Variants in CORIN observed in about 807,000 individuals in gnomAD.
CORIN encodes corin, serine peptidase.
A neutral mutation model predicts 125.3 loss-of-function variants in CORIN; 117 were observed. The observed-to-expected ratio is 0.93, with a 90% CI of 0.80 to 1.09. The LOEUF (loss-of-function observed/expected upper bound fraction) is 1.09. CORIN is among the 50% of genes least tolerant of loss of function. CORIN has a pLI of 0.00. For synonymous variants in CORIN, 450 were observed against 466.4 expected, an observed-to-expected ratio of 0.96 and a Z score of 0.45; for missense variants, 1,253 against 1,306.7, an observed-to-expected ratio of 0.96 and a Z score of 0.63.
At chr4:47,721,403 G>A (rs1209619474) in intron 5 of CORIN, among the ~76,000 whole-genome samples, 8 of 152,100 alleles carry the variant, frequency 5.3e-5, no homozygotes, top group Non-Finnish European at 8.8e-5. Context: ...CCAAGTAGCT[G>A]TGATTACAGG....
intron 5 of CORIN, among the ~76,000 whole-genome samples, chr4:47,716,609 A>G (rs1727103288): frequency 1.3e-5 from 2 of 152,194 alleles, no homozygotes; most frequent in Non-Finnish European, 2.9e-5. Flanking sequence ...TAACGATCCA[A>G]TACAATATTA....
intron 6 of CORIN, among the ~76,000 whole-genome samples, chr4:47,690,316 G>A (rs1199200243): frequency 6.6e-6 from 1 of 152,068 alleles, no homozygotes; most frequent in East Asian, 1.9e-4. Context: ...GCGAATCATG[G>A]GCAAATTTAT....
At chr4:47,793,603 CAACT>C (rs1731169911) in intron 2 of CORIN, among the ~76,000 whole-genome samples, 1 of 152,112 alleles carries the variant, frequency 6.6e-6, no homozygotes, top group South Asian at 2.1e-4. Flanking sequence ...TTGCTGGCAC[CAACT>C]AACAATGAAC....
intron 4 of CORIN, among the ~76,000 whole-genome samples, chr4:47,756,347 G>A (rs1729146129): frequency 6.6e-6 from 1 of 152,190 alleles, no homozygotes; most frequent in Admixed American, 6.5e-5. Context: ...ACTGGCTATG[G>A]GCAGAGCTAT....
chr4:47,595,697 A>G lies in CORIN; in HGVS notation c.*24T>C, dbSNP rs770174493. 1 of 1,570,760 alleles carries G rather than the reference A, an allele frequency of 6.4e-7. No individual in the cohort carries two copies. Among genetic ancestry groups the G allele is most frequent in the Non-Finnish European group, 8.6e-7 (1 of 1,160,478 alleles). On this transcript the variant is annotated 3_prime_UTR_variant, in exon 22 of 22. Coordinates refer to ENST00000273857, the MANE Select transcript of CORIN (RefSeq NM_006587.4). ...GCCATTTTCTTTTAGTGTAGCTGGCAAAAGTCTCTGATCATCCTTATAATT... is the reference window on the plus strand; with the variant it reads ...GCCATTTTCTTTTAGTGTAGCTGGCGAAAGTCTCTGATCATCCTTATAATT...
At chr4:47,771,123 G>A (rs904961204) in intron 3 of CORIN, among the ~76,000 whole-genome samples, 2 of 152,044 alleles carry the variant, frequency 1.3e-5, no homozygotes, top group African/African-American at 4.8e-5. Context: ...GTAAATAAAG[G>A]CAGCATTTTG....
intron 5 of CORIN, among the ~76,000 whole-genome samples, chr4:47,696,814 T>C (rs61761813): frequency 4.6e-4 from 70 of 152,328 alleles, no homozygotes; most frequent in Admixed American, 1.2e-3. Context: ...CTGCAATTGC[T>C]TCCAGCTTCC....
intron 4 of CORIN, among the ~76,000 whole-genome samples, chr4:47,752,084 C>T (rs6848453): frequency 0.043 from 6,605 of 152,088 alleles, 441 homozygotes; most frequent in African/African-American, 0.15. Flanking sequence ...CCTCACCTCC[C>T]GGACTTCCAG....
At chr4:47,597,514 T>G (rs181531738) in intron 21 of CORIN, among the ~76,000 whole-genome samples, 1 of 152,198 alleles carries the variant, frequency 6.6e-6, no homozygotes, top group African/African-American at 2.4e-5. Context: ...AGAGCCTAAT[T>G]GAATTTTTTT....
intron 2 of CORIN, among the ~76,000 whole-genome samples, chr4:47,792,355 A>G (rs1166881073): frequency 1.3e-5 from 2 of 152,236 alleles, no homozygotes; most frequent in South Asian, 2.1e-4. Context: ...AGGGTGAAAC[A>G]TATTAGAATG....
chr4:47,820,301 C>T (rs1560564443), intron 1 of CORIN, among the ~76,000 whole-genome samples: 3 of 151,970 alleles, frequency 2.0e-5, no homozygotes, highest in South Asian at 4.2e-4. Flanking sequence ...TTTTCTTGGA[C>T]GTCAGACTAG....
intron 19 of CORIN, among the ~76,000 whole-genome samples, chr4:47,618,849 G>A (rs1007214823): frequency 2.6e-5 from 4 of 151,866 alleles, no homozygotes; most frequent in Admixed American, 2.0e-4. Flanking sequence ...AAAGAAAGGA[G>A]GCAAGAAGGA....
chr4:47,727,792 T>C (rs1253099854), intron 5 of CORIN, among the ~76,000 whole-genome samples: 1 of 152,110 alleles, frequency 6.6e-6, no homozygotes, highest in African/African-American at 2.4e-5. Flanking sequence ...ACATTTAAAA[T>C]AGTTATATGT....
intron 2 of CORIN, among the ~76,000 whole-genome samples, chr4:47,804,395 T>C (rs1375825198): frequency 6.6e-6 from 1 of 152,216 alleles, no homozygotes; most frequent in Non-Finnish European, 1.5e-5. Flanking sequence ...ATCAAATAGA[T>C]ATCTGCATTT....
chr4:47,703,480 T>G (rs1222313748), intron 5 of CORIN, among the ~76,000 whole-genome samples: 1 of 152,182 alleles, frequency 6.6e-6, no homozygotes, highest in East Asian at 1.9e-4. Flanking sequence ...TTCACAATCA[T>G]GACCTGAGAT....
Position 47,744,587 on chromosome 4 carries a change from A to T in CORIN, c.618-4T>A, listed in dbSNP as rs76869221. On this transcript the variant is annotated splice_region_variant and splice_polypyrimidine_tract_variant and intron_variant, in intron 4 of 21. Transcript: ENST00000273857. ...CCTACAGGGCAGGAGTCCATGACTA[A>T]AAAAAAAAAAAGAGAAAGGTGAAAA... The T allele has an allele frequency of 1.7e-6, 2 of 1,149,910 alleles. No homozygotes were observed. The highest frequency in any genetic ancestry group is 3.6e-5 in the South Asian group (2 of 55,656). The allele number at this position is 1,149,910 out of a possible 1,614,324, so 71.2% of individuals were successfully genotyped here.
chr4:47,777,652 A>G (rs1425486371), intron 3 of CORIN, among the ~76,000 whole-genome samples: 3 of 152,162 alleles, frequency 2.0e-5, no homozygotes, highest in African/African-American at 7.2e-5. Flanking sequence ...TTCAAACACC[A>G]CATGTGAATA....
chr4:47,759,507 C>T (rs902773481), intron 4 of CORIN, among the ~76,000 whole-genome samples: 3 of 152,008 alleles, frequency 2.0e-5, no homozygotes, highest in African/African-American at 4.8e-5. Flanking sequence ...ACTCAAACAC[C>T]TCAGTAGCAA....
chr4:47,600,213 C>A lies in CORIN; in HGVS notation c.2946+1G>T, dbSNP rs532698694. 6.2e-7 allele frequency: 1 copy of A among 1,605,376 alleles called. No individual in the cohort carries two copies. Among genetic ancestry groups the A allele is most frequent in the African/African-American group, 1.3e-5 (1 of 74,740 alleles). On this transcript the variant is annotated splice_donor_variant, in intron 21 of 21. Coordinates refer to ENST00000273857, the MANE Select transcript of CORIN (RefSeq NM_006587.4). LOFTEE classifies it high-confidence loss of function. ...TCCTTGGTAACCAGAAAGCAACTTA[C>A]CATGCATGAATCAACTGTGCCAGAC... is the stretch of plus-strand genomic sequence containing the variant.
Sources: gnomAD v4.1 joint callset for allele counts (sites outside exome capture counted in the v4.1 genomes callset) on GRCh38, gnomAD v4.1.1 for gene constraint, MANE v1.5 for transcripts, NCBI Gene and HGNC (gene_info 2026-07-23, HGNC 2026-07-21) for gene names.